ANGPT4: variants seen among roughly 807,000 people sequenced by gnomAD.
ANGPT4 encodes the protein angiopoietin 4.
In ANGPT4, 50 loss-of-function variants were observed where a neutral mutation model predicts 53.0. The ratio of observed to expected loss-of-function variants is 0.94; its 90% CI spans 0.75 to 1.20. The LOEUF (loss-of-function observed/expected upper bound fraction) is 1.20. ANGPT4 is among the 50% of genes most tolerant of loss of function. ANGPT4 has a pLI of 0.00. For synonymous variants in ANGPT4, 251 were observed against 259.7 expected (o/e 0.97, Z 0.32); for missense variants, 648 against 637.1 (o/e 1.02, Z -0.18).
intron 6 of ANGPT4, among the ~76,000 whole-genome samples, chr20:879,165 A>G (rs1225316293): frequency 6.6e-5 from 10 of 152,238 alleles, no homozygotes; most frequent in Non-Finnish European, 1.2e-4. Context: ...GCAGACGCAA[A>G]TAATAGAACT....
intron 1 of ANGPT4, among the ~76,000 whole-genome samples, chr20:905,573 C>T (rs1982448012): frequency 1.3e-5 from 2 of 152,024 alleles, no homozygotes; most frequent in African/African-American, 4.8e-5. Context: ...GAAGAAACAC[C>T]AGCACAGAGA....
chr20:874,147 C>T, intron 8 of ANGPT4, 137 bp downstream of exon 8: 1 of 1,331,690 alleles, frequency 7.5e-7, no homozygotes, highest in Non-Finnish European at 1.0e-6. Flanking sequence ...GCCAGGTGAG[C>T]TTATGGGTGG....
intron 1 of ANGPT4, among the ~76,000 whole-genome samples, chr20:905,018 A>C (rs1334276907): frequency 1.3e-5 from 2 of 152,166 alleles, no homozygotes; most frequent in African/African-American, 2.4e-5. Context: ...GGAGCCACAG[A>C]GTTGCTTATT....
At chr20:907,340 G>A (rs1239074636) in intron 1 of ANGPT4, among the ~76,000 whole-genome samples, 4 of 152,116 alleles carry the variant, frequency 2.6e-5, no homozygotes, top group African/African-American at 9.7e-5. Context: ...TGGCGGAAAG[G>A]GCTGCAGAGG....
At chr20:901,242 C>T (rs1247210655) in intron 1 of ANGPT4, among the ~76,000 whole-genome samples, 2 of 152,074 alleles carry the variant, frequency 1.3e-5, no homozygotes, top group Non-Finnish European at 2.9e-5. Flanking sequence ...GCCTCTGAGC[C>T]CAAGCCTGCA....
chr20:880,253 T>C (rs756129849), intron 5 of ANGPT4, among the ~76,000 whole-genome samples: 2 of 152,062 alleles, frequency 1.3e-5, no homozygotes, highest in Non-Finnish European at 2.9e-5. Context: ...GTGAGAAGTG[T>C]AAAAGACAAC....
Position 897,993 on chromosome 20 carries a change from G to T in ANGPT4, c.310-7625C>A, listed in dbSNP as rs1982121680. On this transcript the variant is annotated intron_variant, in intron 1 of 8. Coordinates refer to ENST00000381922, the MANE Select transcript of ANGPT4 (RefSeq NM_015985.4). ...TGGATGATTTTTTGTCAAAAAATGG[G>T]CAAATGGTCTGAGGTGCCTGATGTC... Among the ~76,000 whole-genome samples the T allele has an allele frequency of 2.0e-5, 3 of 152,176 alleles. No homozygotes were observed. In the South Asian group the frequency reaches 6.2e-4, roughly 32 times the overall value.
chr20:890,444 G>T, intron 1 of ANGPT4, 76 bp from the exon 2 acceptor site: 1 of 1,415,456 alleles, frequency 7.1e-7, no homozygotes, highest in Admixed American at 2.1e-5. Flanking sequence ...GTCACCATGG[G>T]AGGGCACTGA....
intron 1 of ANGPT4, among the ~76,000 whole-genome samples, chr20:903,944 G>A (rs1982383153): frequency 6.6e-6 from 1 of 152,172 alleles, no homozygotes; most frequent in Admixed American, 6.5e-5. Flanking sequence ...TTTCACAGAT[G>A]GGAAAACTGA....
Position 911,748 on chromosome 20 carries a change from A to G in ANGPT4, c.309+4158T>C, listed in dbSNP as rs1383271455. 1.3e-5 allele frequency among the ~76,000 whole-genome samples: 2 copies of G among 152,070 alleles called. No individual in the cohort carries two copies. The highest frequency in any genetic ancestry group is 2.9e-5 in the Non-Finnish European group (2 of 67,988). On this transcript the variant is annotated intron_variant, in intron 1 of 8. Coordinates refer to ENST00000381922, the MANE Select transcript of ANGPT4 (RefSeq NM_015985.4). This position sits in a 1 kb window ranked among gnomAD's most constrained non-coding sequence, Gnocchi z 4.9. ...GAGGATCGCTTGAGCTCAGGAGTTC[A>G]AGGCTGCAGTGAGCTGTGATTGCAC...
At chr20:890,879 A>G (rs1159737559) in intron 1 of ANGPT4, among the ~76,000 whole-genome samples, 8 of 152,074 alleles carry the variant, frequency 5.3e-5, no homozygotes, top group African/African-American at 1.9e-4. Context: ...TCCCTCTGGA[A>G]TCCTCCCCCA....
chr20:911,404 G>A lies in ANGPT4; in HGVS notation c.309+4502C>T, dbSNP rs1982690602. On this transcript the variant is annotated intron_variant, in intron 1 of 8. Coordinates refer to ENST00000381922, the MANE Select transcript of ANGPT4 (RefSeq NM_015985.4). The surrounding 1 kb of genome is among the most constrained non-coding windows in gnomAD (Gnocchi z 4.9). ...GGCCTCGGCTGAGCAGCCAGCTGCAGGGTGGGCATTGGTCATTTGGCAGAT... is the reference window on the plus strand; with the variant it reads ...GGCCTCGGCTGAGCAGCCAGCTGCAAGGTGGGCATTGGTCATTTGGCAGAT... Among the ~76,000 whole-genome samples, 1 of 152,264 alleles carries A rather than the reference G, an allele frequency of 6.6e-6. No homozygotes were observed. The highest frequency in any genetic ancestry group is 1.9e-4 in the East Asian group (1 of 5,200).
At chr20:893,979 CTT>C (rs780132265) in intron 1 of ANGPT4, among the ~76,000 whole-genome samples, 3 of 144,374 alleles carry the variant, frequency 2.1e-5, no homozygotes. Flanking sequence ...CCAGGAGATT[CTT>C]TTTTTTTTTT....
At chr20:913,000 C>G (rs1982764273) in intron 1 of ANGPT4, among the ~76,000 whole-genome samples, 1 of 152,058 alleles carries the variant, frequency 6.6e-6, no homozygotes, top group Non-Finnish European at 1.5e-5. Flanking sequence ...ACTGGGGGAA[C>G]AGGAGGGGAG....
chr20:874,164 C>T (rs2297122), intron 8 of ANGPT4, 120 bp downstream of exon 8: 135,964 of 1,475,550 alleles, frequency 0.092, 7,187 homozygotes, highest in African/African-American at 0.2. Flanking sequence ...GTGGGCAAGG[C>T]CCAGACCTGC....
In ANGPT4 at chr20:916,136, G is replaced by C. The variant is rs1233717347; in HGVS notation, c.79C>G (p.Gln27Glu). The part of the protein sequence containing the change: ...ATMSVAQQTR[Q>E]EADRGCETLV... Reference sequence around the variant, plus strand: ...GTCTCGCAGCCCCTATCCGCCTCCTGCCTTGTCTGTTGAGCCACAGACATG... The same window carrying C: ...GTCTCGCAGCCCCTATCCGCCTCCTCCCTTGTCTGTTGAGCCACAGACATG... Residue 27 changes from glutamine to glutamate, a missense_variant, in exon 1 of 9, where the codon CAG becomes GAG. Transcript: ENST00000381922. The C allele has an allele frequency of 6.2e-7, 1 of 1,614,174 alleles. No homozygotes were observed. Among genetic ancestry groups the C allele is most frequent in the East Asian group, 2.2e-5 (1 of 44,882 alleles).
At chr20:898,058 C>T (rs574732475) in intron 1 of ANGPT4, among the ~76,000 whole-genome samples, 4 of 152,166 alleles carry the variant, frequency 2.6e-5, no homozygotes, top group African/African-American at 9.7e-5. Context: ...CTAGTCTCTG[C>T]TCCCAAAGCG....
intron 1 of ANGPT4, among the ~76,000 whole-genome samples, chr20:902,224 C>T (rs1982313199): frequency 6.6e-6 from 1 of 151,956 alleles, no homozygotes; most frequent in Admixed American, 6.5e-5. Context: ...AGAGTGTATA[C>T]AGGTATAATT....
At chr20:883,165 G>C (rs1981477918) in intron 4 of ANGPT4, among the ~76,000 whole-genome samples, 1 of 152,236 alleles carries the variant, frequency 6.6e-6, no homozygotes, top group Non-Finnish European at 1.5e-5. Context: ...TGAAGTTCCA[G>C]TGCTAATTAA....
Sources: gnomAD v4.1 joint callset for allele counts (sites outside exome capture counted in the v4.1 genomes callset) on GRCh38, gnomAD v4.1.1 for gene constraint, Gnocchi (gnomAD v3.1) non-coding constraint, MANE v1.5 for transcripts, NCBI Gene and HGNC (gene_info 2026-07-23, HGNC 2026-07-21) for gene names.